MTX2: variants seen among roughly 807,000 people sequenced by gnomAD.
MTX2 encodes metaxin 2.
A neutral mutation model predicts 42.3 loss-of-function variants in MTX2; 35 were observed. The observed-to-expected ratio is 0.83, with a 90% CI of 0.63 to 1.10. The LOEUF (loss-of-function observed/expected upper bound fraction) is 1.10. MTX2 is among the 50% of genes least tolerant of loss of function. MTX2 has a pLI of 0.00. For synonymous variants in MTX2, 119 were observed against 100.9 expected (o/e 1.18, Z -1.08); for missense variants, 307 against 304.1 (o/e 1.01, Z -0.07).
intron 3 of MTX2, among the ~76,000 whole-genome samples, chr2:176,300,026 T>C (rs906200580): frequency 3.9e-5 from 6 of 152,108 alleles, no homozygotes; most frequent in Admixed American, 3.9e-4. Flanking sequence ...AGATTTGCTT[T>C]CCTTCACTCT....
At chr2:176,286,065 G>A (rs1693192514) in intron 1 of MTX2, among the ~76,000 whole-genome samples, 1 of 152,086 alleles carries the variant, frequency 6.6e-6, no homozygotes, top group African/African-American at 2.4e-5. Flanking sequence ...TTCTTATTGG[G>A]TGTGAAGTGG....
intron 8 of MTX2, among the ~76,000 whole-genome samples, chr2:176,329,893 C>A (rs1684815201): frequency 6.7e-6 from 1 of 149,908 alleles, no homozygotes; most frequent in Admixed American, 6.7e-5. Flanking sequence ...GTCTGTCTGT[C>A]TATCTATCTG....
In MTX2 at chr2:176,320,359, G is replaced by A. The variant is rs143641945; in HGVS notation, c.136-3033G>A. On this transcript the variant is annotated intron_variant, in intron 3 of 9. Transcript: ENST00000249442. ...TAGCATAGTTACCACTACGCATGTA[G>A]TTTAGCAAAATATACTATATTTACT... is the stretch of plus-strand genomic sequence containing the variant. Among the ~76,000 whole-genome samples the A allele has an allele frequency of 3.0e-3, 459 of 152,184 alleles. 2 individuals carry two copies. Among genetic ancestry groups the A allele is most frequent in the Non-Finnish European group, 4.7e-3 (320 of 68,010 alleles).
chr2:176,317,676 T>G (rs1038813201), intron 3 of MTX2, among the ~76,000 whole-genome samples: 2 of 152,116 alleles, frequency 1.3e-5, no homozygotes, highest in African/African-American at 2.4e-5. Flanking sequence ...TGGAGTGATA[T>G]CCTATGTTTG....
chr2:176,282,126 GTTTTTTTTTTTTTT>G lies in MTX2; in HGVS notation c.40+12472_40+12485del, dbSNP rs71004264. ...TGATATTATTTTTAGAGTTACAGTA[GTTTTTTTTTTTTTT>G]TTTTTTTTTTTTTTGCTGTCAGATA... On this transcript the variant is annotated intron_variant, in intron 1 of 9. Coordinates refer to ENST00000249442, the MANE Select transcript of MTX2 (RefSeq NM_006554.5). Among the ~76,000 whole-genome samples the G allele has an allele frequency of 2.1e-3, 55 of 26,430 alleles. 1 individual carries two copies. Among genetic ancestry groups the G allele is most frequent in the African/African-American group, 7.8e-3 (48 of 6,120 alleles). 17.3% of individuals were successfully genotyped at this position (26,430 alleles called of 152,430 possible).
At chr2:176,278,035 A>G (rs910628823) in intron 1 of MTX2, among the ~76,000 whole-genome samples, 26 of 145,764 alleles carry the variant, frequency 1.8e-4, no homozygotes, top group Non-Finnish European at 7.5e-5. Flanking sequence ...GAATAGGTTG[A>G]AACTGGTTTT....
intron 1 of MTX2, among the ~76,000 whole-genome samples, chr2:176,278,046 T>G (rs1213772228): frequency 7.7e-6 from 1 of 129,174 alleles, no homozygotes; most frequent in Non-Finnish European, 1.7e-5. Context: ...AACTGGTTTT[T>G]TTTTTTTTTT....
intron 6 of MTX2, 147 bp downstream of exon 6, chr2:176,328,532 A>G: frequency 1.8e-6 from 1 of 566,172 alleles, no homozygotes; most frequent in South Asian, 3.5e-5. Context: ...TTATTTGATT[A>G]TTACCTTTGA....
rs973896845 is a variant in MTX2, at chr2:176,280,551, G to C, written c.40+10882G>C. On this transcript the variant is annotated intron_variant, in intron 1 of 9. Transcript: ENST00000249442. ...ACATGTTGTGAGTGGCACAAGGTGAGATATAACCATATCCACACACATTTG... is the reference window on the plus strand; with the variant it reads ...ACATGTTGTGAGTGGCACAAGGTGACATATAACCATATCCACACACATTTG... Among the ~76,000 whole-genome samples, 8 of 152,256 alleles carry C rather than the reference G, an allele frequency of 5.3e-5. No individual in the cohort carries two copies. In the South Asian group the frequency reaches 8.3e-4, roughly 16 times the overall value.
At chr2:176,330,427 T>C (rs1047000253) in intron 8 of MTX2, among the ~76,000 whole-genome samples, 157 bp from the exon 9 acceptor site, 2 of 145,316 alleles carry the variant, frequency 1.4e-5, no homozygotes, top group Admixed American at 6.8e-5. Context: ...GAAAGTATTA[T>C]ATATATATGT....
intron 3 of MTX2, among the ~76,000 whole-genome samples, chr2:176,321,932 A>C (rs1249384611): frequency 1.3e-5 from 2 of 152,116 alleles, no homozygotes; most frequent in Non-Finnish European, 2.9e-5. Context: ...GTAGTGCACT[A>C]TGAAAGATGA....
At chr2:176,308,056 A>G (rs1199965287) in intron 3 of MTX2, among the ~76,000 whole-genome samples, 1 of 152,016 alleles carries the variant, frequency 6.6e-6, no homozygotes, top group African/African-American at 2.4e-5. Context: ...AGCTCTTACT[A>G]TTTTGAGATA....
In MTX2 at chr2:176,270,839, A is replaced by G. The variant is rs573985356; in HGVS notation, c.40+1170A>G. Among the ~76,000 whole-genome samples the G allele has an allele frequency of 7.2e-5, 11 of 152,316 alleles. No homozygotes were observed. In the South Asian group the frequency reaches 1.7e-3, roughly 23 times the overall value. ...TGTATCCATAGTCAGTTGGTGCTCA[A>G]TAAATATTTGCGACCCAAATCAATG... On this transcript the variant is annotated intron_variant, in intron 1 of 9. Transcript: ENST00000249442.
intron 1 of MTX2, among the ~76,000 whole-genome samples, chr2:176,296,237 T>C (rs1215800882): frequency 6.6e-6 from 1 of 152,146 alleles, no homozygotes; most frequent in East Asian, 1.9e-4. Context: ...TATGTAATGC[T>C]TCATCATGCA....
At chr2:176,328,649 T>C (rs1268306226) in intron 6 of MTX2, among the ~76,000 whole-genome samples, 1 of 151,268 alleles carries the variant, frequency 6.6e-6, no homozygotes, top group African/African-American at 2.4e-5. Context: ...TTAAATAATA[T>C]CTGTAAAACA....
At chr2:176,315,793 A>G (rs1317027134) in intron 3 of MTX2, among the ~76,000 whole-genome samples, 1 of 152,176 alleles carries the variant, frequency 6.6e-6, no homozygotes, top group Non-Finnish European at 1.5e-5. Context: ...AGCCTGCTTC[A>G]GGTGTTTAAA....
chr2:176,331,409 A>G (rs1189975282), intron 9 of MTX2, among the ~76,000 whole-genome samples: 4 of 151,108 alleles, frequency 2.6e-5, no homozygotes, highest in Admixed American at 2.6e-4. Flanking sequence ...CATTTTAATA[A>G]AAATTATTTG....
At chr2:176,328,649 T>A (rs1268306226) in intron 6 of MTX2, among the ~76,000 whole-genome samples, 1 of 151,268 alleles carries the variant, frequency 6.6e-6, no homozygotes, top group South Asian at 2.1e-4. Flanking sequence ...TTAAATAATA[T>A]CTGTAAAACA....
intron 1 of MTX2, among the ~76,000 whole-genome samples, chr2:176,279,710 A>T (rs970994696): frequency 1.3e-5 from 2 of 152,154 alleles, no homozygotes; most frequent in Non-Finnish European, 2.9e-5. Context: ...GTGATAATTG[A>T]CATTTGTTCT....
Sources: gnomAD v4.1 joint callset for allele counts (sites outside exome capture counted in the v4.1 genomes callset) on GRCh38, gnomAD v4.1.1 for gene constraint, MANE v1.5 for transcripts, NCBI Gene and HGNC (gene_info 2026-07-23, HGNC 2026-07-21) for gene names.